Variants in CAMKMT observed in about 807,000 individuals in gnomAD.
CAMKMT encodes calmodulin-lysine N-methyltransferase.
In CAMKMT, 53 loss-of-function variants were observed where a neutral mutation model predicts 48.0. The observed-to-expected ratio is 1.10, with a 90% CI of 0.89 to 1.39. The LOEUF is 1.39. CAMKMT is among the 40% of genes most tolerant of loss of function. The pLI is 0.00. For synonymous variants in CAMKMT, 165 were observed against 152.3 expected, an observed-to-expected ratio of 1.08 and a Z score of -0.61; for missense variants, 428 against 402.7, an observed-to-expected ratio of 1.06 and a Z score of -0.54.
At chr2:44,551,266 A>G (rs1459569163) in intron 3 of CAMKMT, among the ~76,000 whole-genome samples, 2 of 152,168 alleles carry the variant, frequency 1.3e-5, no homozygotes, top group Non-Finnish European at 2.9e-5. Context: ...TCTATGTCAC[A>G]TTAATTGTAT....
chr2:44,391,336 T>G (rs1681319125), intron 3 of CAMKMT, among the ~76,000 whole-genome samples: 1 of 152,184 alleles, frequency 6.6e-6, no homozygotes, highest in Non-Finnish European at 1.5e-5. Flanking sequence ...GTTTCTTTTT[T>G]ATGGATAGTG....
chr2:44,708,422 G>A (rs1677685102), intron 6 of CAMKMT, among the ~76,000 whole-genome samples: 1 of 151,660 alleles, frequency 6.6e-6, no homozygotes, highest in Non-Finnish European at 1.5e-5. Context: ...GCTCAAACAG[G>A]AGAAAGGAGG....
intron 7 of CAMKMT, among the ~76,000 whole-genome samples, chr2:44,717,059 C>A (rs1347684269): frequency 6.6e-6 from 1 of 152,102 alleles, no homozygotes; most frequent in Non-Finnish European, 1.5e-5. Flanking sequence ...AATTAAGTTA[C>A]ATAAACAAGC....
chr2:44,380,205 T>C (rs1380938634), intron 2 of CAMKMT, among the ~76,000 whole-genome samples: 2 of 152,130 alleles, frequency 1.3e-5, no homozygotes. Context: ...AACTCAAAGT[T>C]CCTCAGTTCT....
At chr2:44,386,942 T>G (rs977811836) in intron 2 of CAMKMT, among the ~76,000 whole-genome samples, 1 of 152,144 alleles carries the variant, frequency 6.6e-6, no homozygotes, top group Non-Finnish European at 1.5e-5. Context: ...TATCATATGG[T>G]CTGTCTTGGA....
intron 3 of CAMKMT, among the ~76,000 whole-genome samples, chr2:44,500,189 AG>A (rs1669940063): frequency 2.0e-5 from 3 of 152,166 alleles, no homozygotes; most frequent in Admixed American, 6.5e-5. Flanking sequence ...TCATTAATCT[AG>A]TTCTCACTAG....
At position 44,382,010 on chromosome 2, in the gene CAMKMT, C is replaced by T. The variant is rs542735678; in HGVS notation, c.312-8231C>T. On this transcript the variant is annotated intron_variant, in intron 2 of 10. Coordinates refer to ENST00000378494, the MANE Select transcript of CAMKMT (RefSeq NM_024766.5). ...AGGCTGGAATGCAATGGCACGATCT[C>T]GGCTCACAGCAGCCTCTGTCTCCTG... Among the ~76,000 whole-genome samples the T allele has an allele frequency of 5.6e-5, 8 of 143,096 alleles. No homozygotes were observed. In the East Asian group the frequency reaches 1.0e-3, roughly 18 times the overall value. 93.9% of individuals were successfully genotyped at this position (143,096 alleles called of 152,430 possible).
intron 3 of CAMKMT, among the ~76,000 whole-genome samples, chr2:44,494,171 A>G (rs1386036995): frequency 6.6e-6 from 1 of 152,250 alleles, no homozygotes; most frequent in Non-Finnish European, 1.5e-5. Context: ...TCCTATTCAA[A>G]GAGACATACA....
intron 3 of CAMKMT, among the ~76,000 whole-genome samples, chr2:44,409,983 A>G (rs1683077394): frequency 1.3e-5 from 2 of 152,044 alleles, no homozygotes; most frequent in Admixed American, 1.3e-4. Context: ...GAACTATAAT[A>G]TGTTTTAATA....
intron 3 of CAMKMT, among the ~76,000 whole-genome samples, chr2:44,482,344 A>C (rs995583795): frequency 5.9e-5 from 9 of 152,168 alleles, no homozygotes; most frequent in African/African-American, 2.2e-4. Context: ...AATCTTAAAC[A>C]TACACCCAAA....
At position 44,618,454 on chromosome 2, in the gene CAMKMT, A is replaced by G. The variant is rs747423340; in HGVS notation, c.377-85829A>G. On this transcript the variant is annotated intron_variant, in intron 3 of 10. Transcript: ENST00000378494. The surrounding 1 kb of genome is among the most constrained non-coding windows in gnomAD (Gnocchi z 4.0). ...TCAACCAGTAGACAAGAAGGGTGGC[A>G]CTTGGGGACCTTTTTGCTTTAGGTC... Among the ~76,000 whole-genome samples, 1 of 152,232 alleles carries G rather than the reference A, an allele frequency of 6.6e-6. No homozygotes were observed. Among genetic ancestry groups the G allele is most frequent in the Non-Finnish European group, 1.5e-5 (1 of 68,040 alleles).
intron 3 of CAMKMT, among the ~76,000 whole-genome samples, chr2:44,454,018 C>T (rs1452683595): frequency 3.9e-5 from 6 of 152,002 alleles, no homozygotes; most frequent in Non-Finnish European, 8.8e-5. Flanking sequence ...AGGAAAATGT[C>T]TGCCTGACTA....
chr2:44,768,260 G>T (rs991045190), intron 10 of CAMKMT, among the ~76,000 whole-genome samples: 3 of 151,596 alleles, frequency 2.0e-5, no homozygotes, highest in Non-Finnish European at 2.9e-5. Flanking sequence ...TTCGTGGTTG[G>T]GGGTGGGGAG....
At chr2:44,714,350 A>G (rs532828365) in intron 6 of CAMKMT, among the ~76,000 whole-genome samples, 1 of 152,274 alleles carries the variant, frequency 6.6e-6, no homozygotes, top group African/African-American at 2.4e-5. Context: ...CCTTGTAAAT[A>G]TGGCGCTGGG....
intron 3 of CAMKMT, among the ~76,000 whole-genome samples, chr2:44,455,155 A>G (rs1382665447): frequency 1.3e-5 from 2 of 152,198 alleles, no homozygotes; most frequent in Non-Finnish European, 2.9e-5. Context: ...CTGGGTTAAC[A>G]AAATAATTAG....
chr2:44,505,766 C>G (rs946459558), intron 3 of CAMKMT, among the ~76,000 whole-genome samples: 1 of 152,098 alleles, frequency 6.6e-6, no homozygotes, highest in African/African-American at 2.4e-5. Context: ...CCGTGTTGTC[C>G]AAGAGTCAAC....
chr2:44,722,266 T>C (rs1678511661), intron 7 of CAMKMT, among the ~76,000 whole-genome samples: 1 of 151,660 alleles, frequency 6.6e-6, no homozygotes, highest in Non-Finnish European at 1.5e-5. Flanking sequence ...CTTGGGTTTA[T>C]ATGGTCACAT....
intron 3 of CAMKMT, among the ~76,000 whole-genome samples, chr2:44,559,404 C>G (rs1188288550): frequency 7.2e-5 from 11 of 152,132 alleles, no homozygotes; most frequent in African/African-American, 2.7e-4. Flanking sequence ...CTATGTGTTC[C>G]TCTCTGTGAT....
intron 3 of CAMKMT, among the ~76,000 whole-genome samples, chr2:44,564,267 C>G (rs979894792): frequency 2.0e-5 from 3 of 151,310 alleles, no homozygotes; most frequent in Admixed American, 6.6e-5. Context: ...CCTCCGCCTT[C>G]CGGGTTCAAG....
Sources: allele counts gnomAD v4.1 joint callset (sites outside exome capture counted in the v4.1 genomes callset), GRCh38; gene constraint gnomAD v4.1.1; non-coding constraint Gnocchi (gnomAD v3.1); transcripts MANE v1.5; gene names NCBI Gene and HGNC (gene_info 2026-07-23, HGNC 2026-07-21).